Variants in SKOR2 observed in about 807,000 individuals in gnomAD.
The protein encoded by SKOR2 is LBX1 corepressor 1-like protein.
A neutral mutation model predicts 69.1 loss-of-function variants in SKOR2; 47 were observed. The observed-to-expected ratio is 0.68, with a 90% CI of 0.54 to 0.87. The LOEUF is 0.87. Among genes scored for constraint, SKOR2 ranks in the 40% least tolerant of loss-of-function variants. The probability of loss-of-function intolerance (pLI) is 0.00; values close to 1 mark genes in which losing one functional copy is unlikely to be tolerated. For missense variants in SKOR2, 1,404 were observed against 1,472.2 expected (o/e 0.95, Z 0.76); for synonymous variants, 717 against 672.6 (o/e 1.07, Z -1.02).
chr18:47,233,063 G>A (rs537269960), intron 4 of SKOR2, among the ~76,000 whole-genome samples: 1 of 152,312 alleles, frequency 6.6e-6, no homozygotes, highest in South Asian at 2.1e-4. Context: ...GCATGTGTGT[G>A]TGTGTGTAGG....
chr18:47,238,870 T>C (rs2064236878), intron 4 of SKOR2, among the ~76,000 whole-genome samples: 1 of 152,226 alleles, frequency 6.6e-6, no homozygotes, highest in East Asian at 1.9e-4. Context: ...ATGCACCTTC[T>C]TGCCCTTTTA....
intron 4 of SKOR2, among the ~76,000 whole-genome samples, chr18:47,231,431 C>G (rs1350699178): frequency 6.6e-6 from 1 of 152,076 alleles, no homozygotes; most frequent in Non-Finnish European, 1.5e-5. Flanking sequence ...AGGCAGGTGC[C>G]CAGCCTTCTC....
chr18:47,213,408 T>A (rs2064133975), intron 7 of SKOR2, among the ~76,000 whole-genome samples: 1 of 147,336 alleles, frequency 6.8e-6, no homozygotes, highest in Non-Finnish European at 1.5e-5. Context: ...ATATAAATAT[T>A]ATATATATAT....
Position 47,247,494 on chromosome 18 carries a change from C to T in SKOR2, c.1690G>A (p.Gly564Ser). The change falls in exon 2 of 9, where the codon GGC (glycine) becomes AGC (serine). Residue 564 changes from glycine to serine, a missense_variant. Physicochemically the swap from Gly to Ser is moderately conservative, Grantham distance 56. Transcript: ENST00000425639. This position sits in a 1 kb window ranked among gnomAD's most constrained non-coding sequence, Gnocchi z 6.6. Reference sequence around the variant, plus strand: ...CCCGCGCTGCAGTCCCCGCCGCTGCCGCCCGGGGGCGACTCGAAGAGCGCG... The same window carrying T: ...CCCGCGCTGCAGTCCCCGCCGCTGCTGCCCGGGGGCGACTCGAAGAGCGCG... Reference protein sequence around the residue: ...RDALFESPPGGSGGDCSAGST... With the variant: ...RDALFESPPGSSGGDCSAGST... The T allele has an allele frequency of 8.3e-7, 1 of 1,208,500 alleles. No individual in the cohort carries two copies. Among genetic ancestry groups the T allele is most frequent in the South Asian group, 4.1e-5 (1 of 24,312 alleles). 74.9% of individuals were successfully genotyped at this position (1,208,500 alleles called of 1,614,324 possible). A position where few individuals can be genotyped will look rare whatever the true frequency, so the allele number is the denominator to read the frequency against.
chr18:47,245,634 G>C (rs2064269688), intron 2 of SKOR2, 73 bp from the exon 3 acceptor site: 1 of 1,373,892 alleles, frequency 7.3e-7, no homozygotes. Context: ...CAGTCAGCAG[G>C]AAGAAGCATC....
chr18:47,246,576 T>C lies in SKOR2; in HGVS notation c.2608A>G (p.Lys870Glu), dbSNP rs945521989. Residue 870 changes from lysine to glutamate, a missense_variant, in exon 2 of 9, where the codon AAA becomes GAA. Lys to Glu is a moderately conservative substitution (Grantham distance 56). Transcript: ENST00000425639. ...HPSLEEQPSY[K>E]DSQKTKENNQ... ...AGCCTAAAGGGGATATTTACATCTT[T>C]GTAGGAGGGCTGCTCCTCCAGTGAT... 115 of 1,516,438 alleles carry C rather than the reference T, an allele frequency of 7.6e-5. No homozygotes were observed. The highest frequency in any genetic ancestry group is 1.7e-4 in the Middle Eastern group (1 of 5,872). 93.9% of individuals were successfully genotyped at this position (1,516,438 alleles called of 1,614,324 possible).
At chr18:47,240,783 T>A (rs969477780) in intron 4 of SKOR2, among the ~76,000 whole-genome samples, 3 of 152,196 alleles carry the variant, frequency 2.0e-5, no homozygotes, top group African/African-American at 7.2e-5. Context: ...TAGGTCTATA[T>A]CTTTGTTCAG....
chr18:47,229,519 TG>T (rs966862922), intron 6 of SKOR2, among the ~76,000 whole-genome samples: 2 of 151,786 alleles, frequency 1.3e-5, no homozygotes, highest in Non-Finnish European at 2.9e-5. Context: ...CCAGGTGTAG[TG>T]GTGTGTGCCT....
Position 47,214,996 on chromosome 18 carries a change from A to ATTT in SKOR2, c.2986-2846_2986-2845insAAA, listed in dbSNP as rs1329113353. 2.7e-3 allele frequency among the ~76,000 whole-genome samples: 397 copies of ATTT among 147,022 alleles called. 3 individuals carry two copies. Among genetic ancestry groups the ATTT allele is most frequent in the African/African-American group, 8.1e-3 (327 of 40,292 alleles). On this transcript the variant is annotated intron_variant, in intron 7 of 8. Coordinates refer to ENST00000425639, the MANE Select transcript of SKOR2 (RefSeq NM_001278063.4). ...AGTAGATCAAAAGTACTGGAGTTTA[A>ATTT]AAAAAAAAAGTGACTTCCTAGTTTG...
chr18:47,246,589 C>T lies in SKOR2; in HGVS notation c.2595G>A (p.Glu865=), dbSNP rs1271099653. The T allele has an allele frequency of 6.6e-7, 1 of 1,521,210 alleles. No individual in the cohort carries two copies. The highest frequency in any genetic ancestry group is 8.8e-7 in the Non-Finnish European group (1 of 1,140,804). 94.2% of individuals were successfully genotyped at this position (1,521,210 alleles called of 1,614,324 possible). The change falls in exon 2 of 9, where the codon GAG becomes GAA. Residue 865 remains glutamate, a synonymous_variant. Coordinates refer to ENST00000425639, the MANE Select transcript of SKOR2 (RefSeq NM_001278063.4). ...TATTTACATCTTTGTAGGAGGGCTG[C>T]TCCTCCAGTGATGGATGGTGAACTG... ...GSPVHHPSLE[E]QPSYKDSQKT... is the part of the protein sequence containing the mutation.
At chr18:47,214,610 T>C (rs1415394495) in intron 7 of SKOR2, among the ~76,000 whole-genome samples, 2 of 152,204 alleles carry the variant, frequency 1.3e-5, no homozygotes, top group African/African-American at 4.8e-5. Context: ...ATTTCACTGA[T>C]TCCAGGATGC....
In SKOR2 at chr18:47,248,329, G is replaced by T; in HGVS notation, c.855C>A (p.Pro285=). ...GLLGPHLLGA[P]PPPPPPPPPL... is the part of the protein sequence containing the mutation. Reference sequence around the variant, plus strand: ...GCGGCGGTGGCGGCGGCGGCGGCGGGGGCGCACCCAGCAGGTGGGGGCCCA... The same window carrying T: ...GCGGCGGTGGCGGCGGCGGCGGCGGTGGCGCACCCAGCAGGTGGGGGCCCA... The change falls in exon 2 of 9, where the codon CCC becomes CCA. Residue 285 remains proline, a synonymous_variant. Coordinates refer to ENST00000425639, the MANE Select transcript of SKOR2 (RefSeq NM_001278063.4). The surrounding 1 kb of genome is among the most constrained non-coding windows in gnomAD (Gnocchi z 6.4). The T allele has an allele frequency of 1.7e-6, 2 of 1,200,704 alleles. No individual in the cohort carries two copies. The highest frequency in any genetic ancestry group is 1.0e-6 in the Non-Finnish European group (1 of 970,380). The allele number at this position is 1,200,704 out of a possible 1,614,324, so 74.4% of individuals were successfully genotyped here. A position where few individuals can be genotyped will look rare whatever the true frequency, so the allele number is the denominator to read the frequency against.
At chr18:47,217,092 T>C (rs1445144984) in intron 7 of SKOR2, among the ~76,000 whole-genome samples, 1 of 152,172 alleles carries the variant, frequency 6.6e-6, no homozygotes, top group Middle Eastern at 3.2e-3. Flanking sequence ...ATCTGCAGCC[T>C]CAATTCTAAA....
In SKOR2 at chr18:47,247,535, C is replaced by A. The variant is rs1326736778; in HGVS notation, c.1649G>T (p.Gly550Val). The change falls in exon 2 of 9, where the codon GGC becomes GTC. Residue 550 changes from glycine (G) to valine (V), a missense_variant. Gly to Val is a moderately radical substitution (Grantham distance 109). Transcript: ENST00000425639. The surrounding 1 kb of genome is among the most constrained non-coding windows in gnomAD (Gnocchi z 6.6). ...GAAGAGCGCGTCGCGAGAGCCGGCG[C>A]CCCCGGCAGGAGGAGGTGGGCCGGA... is the stretch of plus-strand genomic sequence containing the variant. ...PGSGPPPPAG[G>V]AGSRDALFES... The A allele has an allele frequency of 4.1e-6, 5 of 1,216,642 alleles. No homozygotes were observed. Among genetic ancestry groups the A allele is most frequent in the Admixed American group, 4.4e-5 (1 of 22,904 alleles). 75.4% of individuals were successfully genotyped at this position (1,216,642 alleles called of 1,614,324 possible).
intron 4 of SKOR2, among the ~76,000 whole-genome samples, chr18:47,233,124 T>C (rs907620751): frequency 6.6e-6 from 1 of 152,170 alleles, no homozygotes; most frequent in African/African-American, 2.4e-5. Flanking sequence ...TATGCATCAT[T>C]AGAGGAAGGA....
At chr18:47,211,966 C>T in intron 8 of SKOR2, 120 bp downstream of exon 8, 1 of 940,136 alleles carries the variant, frequency 1.1e-6, no homozygotes. Flanking sequence ...TATATTGACT[C>T]AAACACAGGA....
chr18:47,238,777 G>A (rs1379250870), intron 4 of SKOR2, among the ~76,000 whole-genome samples: 4 of 152,174 alleles, frequency 2.6e-5, no homozygotes, highest in Non-Finnish European at 4.4e-5. Context: ...CTGTGTCTGT[G>A]TTCTGCTGCA....
chr18:47,233,221 C>T (rs1462495715), intron 4 of SKOR2, among the ~76,000 whole-genome samples: 1 of 152,184 alleles, frequency 6.6e-6, no homozygotes, highest in Non-Finnish European at 1.5e-5. Flanking sequence ...GCCTCATTCT[C>T]ATTCTCATCT....
chr18:47,227,489 C>T (rs1005299913), intron 6 of SKOR2, among the ~76,000 whole-genome samples: 2 of 151,950 alleles, frequency 1.3e-5, no homozygotes. Flanking sequence ...TACCACCACA[C>T]CAGCTAATTT....
Sources: gnomAD v4.1 joint callset for allele counts (sites outside exome capture counted in the v4.1 genomes callset) on GRCh38, gnomAD v4.1.1 for gene constraint, Gnocchi (gnomAD v3.1) non-coding constraint, MANE v1.5 for transcripts, NCBI Gene and HGNC (gene_info 2026-07-23, HGNC 2026-07-21) for gene names.